The following ANK3 variants were observed in gnomAD, a reference collection of about 807,000 sequenced individuals.
ANK3 encodes ankyrin-3.
In ANK3, 57 loss-of-function variants were observed where a neutral mutation model predicts 370.9. That is an observed-to-expected ratio of 0.15 (90% CI 0.12 to 0.19). The LOEUF is 0.19. ANK3 is among the 10% of genes least tolerant of loss of function. The pLI is 1.00. For missense variants in ANK3, 4,439 were observed against 5,302.1 expected, an observed-to-expected ratio of 0.84 and a Z score of 5.06; for synonymous variants, 1,929 against 1,946.3, an observed-to-expected ratio of 0.99 and a Z score of 0.23.
At chr10:60,483,665 T>G (rs1294286889) in intron 2 of ANK3, among the ~76,000 whole-genome samples, 1 of 152,196 alleles carries the variant, frequency 6.6e-6, no homozygotes, top group Non-Finnish European at 1.5e-5. Context: ...TTTGTTAGGC[T>G]TTCGCTTTTA....
chr10:60,267,781 CGCCATCTTCACAAAGAAA>C (rs1435382094), intron 5 of ANK3, among the ~76,000 whole-genome samples: 1 of 152,148 alleles, frequency 6.6e-6, no homozygotes, highest in African/African-American at 2.4e-5. Context: ...AAGAGTCCTA[CGCCATCTTCACAAAGAAA>C]GCTATGGAAT....
Position 60,186,811 on chromosome 10 carries a change from T to G in ANK3, c.1989A>C (p.Gln663His). The change falls in exon 17 of 44, where the codon CAA (glutamine) becomes CAC (histidine). Residue 663 changes from glutamine (Q) to histidine (H), a missense_variant. This residue lies in a region of ANK3 where 192 missense variants were observed against 192.1 expected (regional missense o/e 1.00). Coordinates refer to ENST00000280772, the MANE Select transcript of ANK3 (RefSeq NM_020987.5). Reference sequence around the variant, plus strand: ...CTGCGAGATGGACGGAAGCAATTCCTTGCCGGGTAACTGCGTTGGCATCAG... The same window carrying G: ...CTGCGAGATGGACGGAAGCAATTCCGTGCCGGGTAACTGCGTTGGCATCAG... ...YGADANAVTRQGIASVHLAAQ... is the reference protein window; with the variant it reads ...YGADANAVTRHGIASVHLAAQ... The G allele has an allele frequency of 2.5e-6, 4 of 1,614,210 alleles. No individual in the cohort carries two copies. Among genetic ancestry groups the G allele is most frequent in the Non-Finnish European group, 3.4e-6 (4 of 1,180,016 alleles).
intron 2 of ANK3, among the ~76,000 whole-genome samples, chr10:60,394,960 T>C (rs560410502): frequency 2.6e-5 from 4 of 152,332 alleles, no homozygotes; most frequent in Admixed American, 1.3e-4. Flanking sequence ...TAATCTGCAC[T>C]GGCCAATACA....
intron 1 of ANK3, among the ~76,000 whole-genome samples, chr10:60,298,216 A>G (rs1270542523): frequency 2.6e-5 from 4 of 152,160 alleles, no homozygotes; most frequent in African/African-American, 9.7e-5. Context: ...TGAAGAGTTA[A>G]ACTTTAAAGT....
chr10:60,096,391 C>T (rs549948745), intron 28 of ANK3, among the ~76,000 whole-genome samples: 1 of 152,232 alleles, frequency 6.6e-6, no homozygotes, highest in Admixed American at 6.5e-5. Flanking sequence ...TTGTCCCATC[C>T]TATACATTAC....
At chr10:60,195,389 A>G (rs1202008920) in intron 16 of ANK3, among the ~76,000 whole-genome samples, 1 of 106,432 alleles carries the variant, frequency 9.4e-6, no homozygotes, top group Non-Finnish European at 1.9e-5. Flanking sequence ...GTCTCCCTCC[A>G]AAAAAAAAAA....
At chr10:60,325,306 G>T (rs1439835685) in intron 1 of ANK3, among the ~76,000 whole-genome samples, 5 of 152,268 alleles carry the variant, frequency 3.3e-5, no homozygotes, top group East Asian at 1.9e-4. Context: ...CTCTTTCTGT[G>T]CCTGTGAGAA....
chr10:60,216,249 A>G (rs185812110), intron 8 of ANK3, among the ~76,000 whole-genome samples: 7 of 152,216 alleles, frequency 4.6e-5, no homozygotes, highest in African/African-American at 7.2e-5. Context: ...CTATTTGAAT[A>G]TGCTATTTCT....
chr10:60,559,762 A>G (rs1401791056), intron 2 of ANK3, among the ~76,000 whole-genome samples: 2 of 152,210 alleles, frequency 1.3e-5, no homozygotes. Flanking sequence ...GAAAACTTCT[A>G]TAAGTAGCAG....
chr10:60,645,657 G>A (rs1588965823), intron 1 of ANK3, among the ~76,000 whole-genome samples: 2 of 151,976 alleles, frequency 1.3e-5, no homozygotes, highest in Non-Finnish European at 2.9e-5. Context: ...CCCAGGAGGT[G>A]GAGTTTGCAG....
chr10:60,634,425 T>C (rs1359106196), intron 1 of ANK3, among the ~76,000 whole-genome samples: 1 of 152,130 alleles, frequency 6.6e-6, no homozygotes, highest in Non-Finnish European at 1.5e-5. Flanking sequence ...AGTGGGGACT[T>C]GGAGAGCTTT....
intron 16 of ANK3, among the ~76,000 whole-genome samples, chr10:60,191,824 A>G (rs2096487870): frequency 6.6e-6 from 1 of 152,202 alleles, no homozygotes; most frequent in African/African-American, 2.4e-5. Flanking sequence ...TCACAATAGC[A>G]AAGTCCTGTA....
intron 2 of ANK3, among the ~76,000 whole-genome samples, chr10:60,452,508 A>T (rs1382741928): frequency 2.0e-5 from 3 of 152,176 alleles, no homozygotes; most frequent in Non-Finnish European, 4.4e-5. Flanking sequence ...AACCTTAGAG[A>T]ACCCGTCTTC....
At chr10:60,596,779 T>G (rs1395668762) in intron 2 of ANK3, among the ~76,000 whole-genome samples, 21 of 152,180 alleles carry the variant, frequency 1.4e-4, no homozygotes, top group Admixed American at 1.3e-3. Context: ...AAAATGCAAC[T>G]ATTTAAATGT....
At chr10:60,477,171 A>G (rs1368886364) in intron 2 of ANK3, among the ~76,000 whole-genome samples, 1 of 152,074 alleles carries the variant, frequency 6.6e-6, no homozygotes, top group African/African-American at 2.4e-5. Flanking sequence ...TGATGCTAAC[A>G]TTTTTGAAAA....
chr10:60,489,429 A>G (rs2075434962), intron 2 of ANK3, among the ~76,000 whole-genome samples: 1 of 152,186 alleles, frequency 6.6e-6, no homozygotes, highest in Admixed American at 6.5e-5. Context: ...AATAAGTTTT[A>G]TGAAAATAAC....
chr10:60,177,570 C>A (rs1448498130), intron 18 of ANK3, among the ~76,000 whole-genome samples: 1 of 150,944 alleles, frequency 6.6e-6, no homozygotes, highest in African/African-American at 2.4e-5. Flanking sequence ...CCTTAGTCCC[C>A]ATACCACACA....
At chr10:60,710,550 C>T (rs1194167032) in intron 1 of ANK3, among the ~76,000 whole-genome samples, 1 of 152,108 alleles carries the variant, frequency 6.6e-6, no homozygotes, top group Non-Finnish European at 1.5e-5. Context: ...AATATTTCTA[C>T]ACTACATGGT....
chr10:60,443,698 T>C (rs1021798582), intron 2 of ANK3, among the ~76,000 whole-genome samples: 1 of 152,210 alleles, frequency 6.6e-6, no homozygotes, highest in African/African-American at 2.4e-5. Flanking sequence ...CCCAGTGTGA[T>C]ACTGACAGAT....
Sources: gnomAD v4.1 joint callset for allele counts (sites outside exome capture counted in the v4.1 genomes callset) on GRCh38, gnomAD v4.1.1 for gene constraint, gnomAD v4.1.1 regional missense constraint, MANE v1.5 for transcripts, NCBI Gene and HGNC (gene_info 2026-07-23, HGNC 2026-07-21) for gene names.